CELF4: variants seen among roughly 807,000 people sequenced by gnomAD.
The protein encoded by CELF4 is CUG-BP- and ETR-3-like factor 4.
CELF4 carries 18 observed loss-of-function variants against 59.9 expected under a neutral mutation model. That is an observed-to-expected ratio of 0.30 (90% CI 0.21 to 0.45). CELF4 has a LOEUF of 0.45. CELF4 is among the 20% of genes least tolerant of loss of function. The pLI is 1.00. For missense variants in CELF4, 456 were observed against 689.0 expected (o/e 0.66, Z 3.79); for synonymous variants, 261 against 267.1 (o/e 0.98, Z 0.22).
At chr18:37,459,952 T>C (rs1375385853) in intron 2 of CELF4, among the ~76,000 whole-genome samples, 1 of 152,198 alleles carries the variant, frequency 6.6e-6, no homozygotes, top group East Asian at 1.9e-4. Context: ...GTTTATCATA[T>C]TGAAAGACTT....
At chr18:37,304,506 G>A (rs2096273090) in intron 3 of CELF4, among the ~76,000 whole-genome samples, 1 of 152,246 alleles carries the variant, frequency 6.6e-6, no homozygotes, top group Non-Finnish European at 1.5e-5. Flanking sequence ...CAGGAGGTGT[G>A]TGGGGCATAA....
intron 2 of CELF4, among the ~76,000 whole-genome samples, chr18:37,398,721 C>T (rs893247550): frequency 1.3e-5 from 2 of 152,154 alleles, no homozygotes; most frequent in Non-Finnish European, 2.9e-5. Context: ...CTCTCCAAGG[C>T]GTGGGGGTTC....
intron 2 of CELF4, among the ~76,000 whole-genome samples, chr18:37,476,150 G>A (rs559594220): frequency 2.1e-4 from 32 of 152,352 alleles, no homozygotes; most frequent in East Asian, 3.9e-4. Context: ...TATAAAGGGC[G>A]CACACATGTG....
rs554822268 is a variant in CELF4, at chr18:37,331,871, G to A, written c.370-9990C>T. Among the ~76,000 whole-genome samples, 13 of 152,274 alleles carry A rather than the reference G, an allele frequency of 8.5e-5. No individual in the cohort carries two copies. The East Asian group carries it at 2.1e-3, about 25-fold the overall frequency. On this transcript the variant is annotated intron_variant, in intron 2 of 12. Transcript: ENST00000420428. ...GGAGGACAGGCAGGCAGGTGGAGGT[G>A]GGGAGGATCTGGTGTGGCCGCAGAG...
At chr18:37,564,444 CTG>C (rs1465282599) in intron 1 of CELF4, among the ~76,000 whole-genome samples, 3 of 152,156 alleles carry the variant, frequency 2.0e-5, no homozygotes, top group Non-Finnish European at 4.4e-5. Flanking sequence ...TAAAAAGTTG[CTG>C]TGTTTTAATT....
intron 2 of CELF4, among the ~76,000 whole-genome samples, chr18:37,336,866 G>A (rs1248494347): frequency 1.3e-5 from 2 of 151,052 alleles, no homozygotes; most frequent in African/African-American, 2.4e-5. Flanking sequence ...GCCCTGGGGT[G>A]CCCTTTGAAA....
At chr18:37,356,641 C>G (rs77315924) in intron 2 of CELF4, among the ~76,000 whole-genome samples, 1 of 152,296 alleles carries the variant, frequency 6.6e-6, no homozygotes, top group East Asian at 1.9e-4. Flanking sequence ...CCAACATCAA[C>G]GAAGGGGCCC....
chr18:37,378,097 G>A (rs942638038), intron 2 of CELF4, among the ~76,000 whole-genome samples: 2 of 152,116 alleles, frequency 1.3e-5, no homozygotes, highest in Non-Finnish European at 2.9e-5. Flanking sequence ...TGTAAGACAC[G>A]AAAGAGAGCA....
chr18:37,316,727 C>G (rs655733), intron 3 of CELF4, among the ~76,000 whole-genome samples: 11,714 of 152,142 alleles, frequency 0.077, 1,264 homozygotes, highest in African/African-American at 0.24. Context: ...CTGACCCACT[C>G]CTACCCTGGT....
intron 2 of CELF4, among the ~76,000 whole-genome samples, chr18:37,454,515 C>T (rs1277316339): frequency 1.3e-5 from 2 of 152,122 alleles, no homozygotes; most frequent in African/African-American, 2.4e-5. Context: ...TTGTGAGCAC[C>T]TTGAAGGCAG....
chr18:37,540,367 G>T (rs1420388365), intron 1 of CELF4, among the ~76,000 whole-genome samples: 3 of 152,156 alleles, frequency 2.0e-5, no homozygotes, highest in Non-Finnish European at 4.4e-5. Context: ...TGCTTTTATT[G>T]TTTTTTTACT....
chr18:37,508,245 T>G (rs182800650), intron 1 of CELF4, among the ~76,000 whole-genome samples: 1 of 152,040 alleles, frequency 6.6e-6, no homozygotes, highest in Non-Finnish European at 1.5e-5. Flanking sequence ...TGGGTGCCAG[T>G]GGAGATTGGG....
chr18:37,444,021 C>T (rs549384711), intron 2 of CELF4, among the ~76,000 whole-genome samples: 12 of 152,316 alleles, frequency 7.9e-5, no homozygotes, highest in African/African-American at 2.2e-4. Context: ...AGCACTGCTA[C>T]GTACTGGCTG....
In CELF4 at chr18:37,470,879, T is replaced by TACA. The variant is rs1569569552; in HGVS notation, c.369+14645_369+14646insTGT. Among the ~76,000 whole-genome samples the TACA allele has an allele frequency of 1.8e-3, 149 of 85,128 alleles. 1 individual carries two copies. The highest frequency in any genetic ancestry group is 3.4e-3 in the African/African-American group (79 of 23,004). The allele number at this position is 85,128 out of a possible 152,430, so 55.8% of individuals were successfully genotyped here. On this transcript the variant is annotated intron_variant, in intron 2 of 12. Coordinates refer to ENST00000420428, the MANE Select transcript of CELF4 (RefSeq NM_020180.4). ...GTGTGTGTGTGTGTGTGTGTGTGTG[T>TACA]GTGTGTGTGACAGAGAGAGAGAGAG...
intron 2 of CELF4, among the ~76,000 whole-genome samples, chr18:37,399,542 G>A (rs2099296264): frequency 6.6e-6 from 1 of 152,166 alleles, no homozygotes. Context: ...CCAACACAAT[G>A]CCTGGTATCC....
chr18:37,408,494 G>T (rs1247515284), intron 2 of CELF4, among the ~76,000 whole-genome samples: 2 of 49,146 alleles, frequency 4.1e-5, no homozygotes, highest in East Asian at 1.9e-3. Context: ...GTTGGTGCCG[G>T]GGGGGGGCGC....
chr18:37,450,303 C>T (rs1461382980), intron 2 of CELF4, among the ~76,000 whole-genome samples: 1 of 151,636 alleles, frequency 6.6e-6, no homozygotes, highest in African/African-American at 2.4e-5. Flanking sequence ...TGGAAAAAAA[C>T]GCGTTCTCTC....
At chr18:37,292,634 T>C (rs1178823511) in intron 3 of CELF4, among the ~76,000 whole-genome samples, 3 of 152,168 alleles carry the variant, frequency 2.0e-5, no homozygotes, top group Non-Finnish European at 4.4e-5. Flanking sequence ...GATATTTGCA[T>C]AGATTAACAG....
At chr18:37,531,985 G>A (rs1454248839) in intron 1 of CELF4, among the ~76,000 whole-genome samples, 2 of 152,226 alleles carry the variant, frequency 1.3e-5, no homozygotes, top group African/African-American at 2.4e-5. Context: ...ATGAGTGTGT[G>A]TCCCTGTCCA....
Sources: allele counts gnomAD v4.1 joint callset (sites outside exome capture counted in the v4.1 genomes callset), GRCh38; gene constraint gnomAD v4.1.1; transcripts MANE v1.5; gene names NCBI Gene and HGNC (gene_info 2026-07-23, HGNC 2026-07-21).